Variants in EXOC4 observed in about 807,000 individuals in gnomAD.
EXOC4 encodes SEC8-like 1.
A neutral mutation model predicts 107.2 loss-of-function variants in EXOC4; 71 were observed. That is an observed-to-expected ratio of 0.66 (90% CI 0.55 to 0.81). EXOC4 has a LOEUF of 0.81. Among genes scored for constraint, EXOC4 ranks in the 30% least tolerant of loss-of-function variants. EXOC4 has a pLI of 0.00. For synonymous variants in EXOC4, 456 were observed against 441.2 expected, an observed-to-expected ratio of 1.03 and a Z score of -0.42; for missense variants, 1,108 against 1,189.6, an observed-to-expected ratio of 0.93 and a Z score of 1.01.
At chr7:133,903,924 G>A (rs753947211) in intron 12 of EXOC4, among the ~76,000 whole-genome samples, 1 of 152,206 alleles carries the variant, frequency 6.6e-6, no homozygotes, top group Non-Finnish European at 1.5e-5. Context: ...AGTGTTGCCA[G>A]CATTAGAACT....
intron 1 of EXOC4, among the ~76,000 whole-genome samples, chr7:133,257,405 C>T (rs974563935): frequency 6.6e-6 from 1 of 152,100 alleles, no homozygotes; most frequent in East Asian, 1.9e-4. Flanking sequence ...CACAATTTTT[C>T]TACTTTTCTG....
rs746175040 is a variant in EXOC4 at position 133,305,881 on chromosome 7, C to T, written c.476C>T (p.Ser159Leu). 1.9e-6 allele frequency: 3 copies of T among 1,595,638 alleles called. No individual in the cohort carries two copies. The highest frequency in any genetic ancestry group is 3.3e-4 in the Middle Eastern group (2 of 5,978). Reference sequence around the variant, plus strand: ...TTCATTTTTTTCTCTTTTCAGGTGTCAGCAGTTGAGTCTTTGGAGGGCCCC... The same window carrying T: ...TTCATTTTTTTCTCTTTTCAGGTGTTAGCAGTTGAGTCTTTGGAGGGCCCC... Reference protein sequence around the residue: ...HYLSATDMLVSAVESLEGPLL... With the variant: ...HYLSATDMLVLAVESLEGPLL... The change falls in exon 4 of 18, where the codon TCA becomes TTA. Residue 159 changes from serine to leucine, a missense_variant. Coordinates refer to ENST00000253861, the MANE Select transcript of EXOC4 (RefSeq NM_021807.4).
chr7:133,781,190 T>C (rs181435908), intron 10 of EXOC4, among the ~76,000 whole-genome samples: 54 of 152,378 alleles, frequency 3.5e-4, no homozygotes, highest in African/African-American at 1.3e-3. Context: ...AGTGTTGAAT[T>C]CAAAACCATT....
At chr7:134,069,662 T>G (rs534332234), downstream of EXOC4, among the ~76,000 whole-genome samples, 2 of 152,276 alleles carry the variant, frequency 1.3e-5, no homozygotes, top group African/African-American at 4.8e-5. Context: ...ATAATTTTTG[T>G]ATTTTTAGTA....
At chr7:133,518,798 C>T (rs1799928991) in intron 9 of EXOC4, among the ~76,000 whole-genome samples, 2 of 151,738 alleles carry the variant, frequency 1.3e-5, no homozygotes, top group African/African-American at 2.4e-5. Context: ...TTCATAGAAA[C>T]AGAAAGAATG....
At chr7:133,268,833 A>T (rs1387369072) in intron 1 of EXOC4, among the ~76,000 whole-genome samples, 1 of 152,174 alleles carries the variant, frequency 6.6e-6, no homozygotes, top group Non-Finnish European at 1.5e-5. Context: ...CTTTAGGTAA[A>T]TAAATTCCTT....
intron 5 of EXOC4, among the ~76,000 whole-genome samples, chr7:133,328,068 G>T (rs892665513): frequency 2.0e-5 from 3 of 152,114 alleles, no homozygotes; most frequent in African/African-American, 7.2e-5. Context: ...TATTGTGTGG[G>T]AGTCTAAGTC....
Position 133,938,075 on chromosome 7 carries a change from T to C in EXOC4, c.2206+6T>C. ...CAATCTTTCTACATCCCAGAGTAAG[T>C]ATCTAGTAGGAAGCTGTTGTGGGGA... On this transcript the variant is annotated splice_donor_region_variant and intron_variant, in intron 14 of 17. Coordinates refer to ENST00000253861, the MANE Select transcript of EXOC4 (RefSeq NM_021807.4). 1.9e-6 allele frequency: 3 copies of C among 1,614,096 alleles called. No homozygotes were observed. Among genetic ancestry groups the C allele is most frequent in the Non-Finnish European group, 2.5e-6 (3 of 1,179,954 alleles).
At position 134,053,116 on chromosome 7, in the gene EXOC4, A is replaced by G. The variant is rs548137440; in HGVS notation, c.2688-11175A>G. Among the ~76,000 whole-genome samples the G allele has an allele frequency of 2.0e-5, 3 of 152,120 alleles. 1 individual carries two copies. Among genetic ancestry groups the G allele is most frequent in the Non-Finnish European group, 4.4e-5 (3 of 68,032 alleles). ...TCTTCTTAGGCCAAGGGGTAGGAGCAAGTTGAATATAGAATTCAGCCCTGC... is the reference window on the plus strand; with the variant it reads ...TCTTCTTAGGCCAAGGGGTAGGAGCGAGTTGAATATAGAATTCAGCCCTGC... On this transcript the variant is annotated intron_variant, in intron 17 of 17. Coordinates refer to ENST00000253861, the MANE Select transcript of EXOC4 (RefSeq NM_021807.4).
At chr7:133,818,560 T>G (rs750637379) in intron 11 of EXOC4, among the ~76,000 whole-genome samples, 21 of 152,154 alleles carry the variant, frequency 1.4e-4, no homozygotes, top group Non-Finnish European at 2.6e-4. Flanking sequence ...ATTGATAAAA[T>G]AGAATAGGAA....
chr7:133,584,581 T>G (rs1330596329), intron 9 of EXOC4, among the ~76,000 whole-genome samples: 21 of 136,318 alleles, frequency 1.5e-4, no homozygotes, highest in Non-Finnish European at 2.7e-4. Context: ...TCAGTTTTTT[T>G]TTTGTTTTTT....
chr7:133,923,739 A>G (rs969481919), intron 13 of EXOC4, among the ~76,000 whole-genome samples: 2 of 152,166 alleles, frequency 1.3e-5, no homozygotes, highest in African/African-American at 4.8e-5. Flanking sequence ...GTCTTTTACT[A>G]AACAGACTTT....
At chr7:133,952,917 T>G (rs1800726127) in intron 14 of EXOC4, among the ~76,000 whole-genome samples, 1 of 152,214 alleles carries the variant, frequency 6.6e-6, no homozygotes, top group South Asian at 2.1e-4. Context: ...TTAGGGTGCT[T>G]CCATCTTTTG....
At chr7:133,515,334 C>T (rs1799852758) in intron 9 of EXOC4, among the ~76,000 whole-genome samples, 2 of 148,946 alleles carry the variant, frequency 1.3e-5, no homozygotes, top group African/African-American at 5.0e-5. Context: ...AGTGTGCATA[C>T]ACACACACAC....
chr7:133,859,581 C>T (rs560088138), intron 11 of EXOC4, among the ~76,000 whole-genome samples: 4 of 152,186 alleles, frequency 2.6e-5, no homozygotes, highest in Non-Finnish European at 5.9e-5. Flanking sequence ...CAGTCATTAG[C>T]ACTGGGAGGA....
chr7:133,803,774 C>T (rs1317174446), intron 10 of EXOC4, among the ~76,000 whole-genome samples: 2 of 152,040 alleles, frequency 1.3e-5, no homozygotes, highest in African/African-American at 4.8e-5. Context: ...TTTAGCCTTA[C>T]AGGGGATATG....
intron 9 of EXOC4, among the ~76,000 whole-genome samples, chr7:133,618,583 G>A (rs1802250709): frequency 6.6e-6 from 1 of 152,118 alleles, no homozygotes; most frequent in Non-Finnish European, 1.5e-5. Flanking sequence ...TGCTTTGGTG[G>A]GTGGTCGACA....
chr7:134,060,209 T>C (rs1796024527), intron 17 of EXOC4, among the ~76,000 whole-genome samples: 1 of 152,182 alleles, frequency 6.6e-6, no homozygotes, highest in African/African-American at 2.4e-5. Context: ...TATCTGCTTA[T>C]AATACTTTGG....
chr7:133,537,212 G>A (rs372572045), intron 9 of EXOC4, among the ~76,000 whole-genome samples: 2 of 151,374 alleles, frequency 1.3e-5, no homozygotes, highest in African/African-American at 4.9e-5. Flanking sequence ...GTTCAGTGGC[G>A]TGATCTCGAC....
Sources: gnomAD v4.1 joint callset for allele counts (sites outside exome capture counted in the v4.1 genomes callset) on GRCh38, gnomAD v4.1.1 for gene constraint, MANE v1.5 for transcripts, NCBI Gene and HGNC (gene_info 2026-07-23, HGNC 2026-07-21) for gene names.